SDR42E1: variants seen among roughly 807,000 people sequenced by gnomAD.
The protein encoded by SDR42E1 is short-chain dehydrogenase/reductase family 42E member 1.
SDR42E1 carries 5 observed loss-of-function variants against 2.6 expected under a neutral mutation model. The ratio of observed to expected loss-of-function variants is 1.94; its 90% confidence interval spans 1.01 to 4.08. The LOEUF (loss-of-function observed/expected upper bound fraction) is 4.08, where lower values mean the gene tolerates loss of function less well. Ranked by LOEUF, SDR42E1 falls within the 30% of genes most tolerant of loss-of-function variation. The pLI is 0.00. For synonymous variants in SDR42E1, 231 were observed against 188.3 expected (o/e 1.23, Z -1.86); for missense variants, 596 against 478.6 (o/e 1.25, Z -2.29).
intron 1 of SDR42E1, among the ~76,000 whole-genome samples, chr16:82,003,274 C>G (rs113266418): frequency 0.015 from 2,325 of 152,280 alleles, 43 homozygotes; most frequent in South Asian, 0.068. Context: ...CCTCAATGCA[C>G]CTAACAGTGA....
Position 81,993,324 on chromosome 16 carries a change from G to A in SDR42E1, c.*5787C>T, listed in dbSNP as rs1912469676. The A allele has an allele frequency of 6.6e-6, 1 of 152,172 alleles. No homozygotes were observed. Among genetic ancestry groups the A allele is most frequent in the Non-Finnish European group, 1.5e-5 (1 of 68,056 alleles). The allele number at this position is 152,172 out of a possible 1,614,324, so 9.4% of individuals were successfully genotyped here. ...TGCTCACCTCCTTGTTGAAAGATAA[G>A]AAACACCTAGAGTGCAGATTACCAA... is the stretch of plus-strand genomic sequence containing the variant. On this transcript the variant is annotated 3_prime_UTR_variant, in exon 3 of 3. Transcript: ENST00000328945.
chr16:82,011,161 G>A (rs1237301300), intron 1 of SDR42E1, among the ~76,000 whole-genome samples: 4 of 152,198 alleles, frequency 2.6e-5, no homozygotes, highest in African/African-American at 9.7e-5. Context: ...AAAATGCGGA[G>A]GGCCAGTGTT....
At chr16:82,000,915 G>A (rs1912737561) in intron 1 of SDR42E1, 31 bp from the exon 2 acceptor site, 1 of 1,429,662 alleles carries the variant, frequency 7.0e-7, no homozygotes, top group South Asian at 1.2e-5. Context: ...CACTGTTACT[G>A]ATCCAAATGC....
intron 1 of SDR42E1, among the ~76,000 whole-genome samples, chr16:82,008,020 T>C (rs990019258): frequency 2.0e-5 from 3 of 152,180 alleles, no homozygotes; most frequent in African/African-American, 7.2e-5. Context: ...TAGGAGGTAA[T>C]TGAATCATGG....
At chr16:82,009,019 A>T (rs962996444) in intron 1 of SDR42E1, among the ~76,000 whole-genome samples, 16 of 152,184 alleles carry the variant, frequency 1.1e-4, no homozygotes, top group Admixed American at 5.2e-4. Context: ...GGGGCTTCAG[A>T]GGGTGCAAGC....
At chr16:82,007,150 G>A (rs989016411) in intron 1 of SDR42E1, among the ~76,000 whole-genome samples, 3 of 152,166 alleles carry the variant, frequency 2.0e-5, no homozygotes, top group African/African-American at 2.4e-5. Flanking sequence ...ATATCTATAG[G>A]GACAAGGAAT....
chr16:82,004,207 G>T (rs1407175817), intron 1 of SDR42E1, among the ~76,000 whole-genome samples: 1 of 152,168 alleles, frequency 6.6e-6, no homozygotes, highest in Non-Finnish European at 1.5e-5. Flanking sequence ...AAGGTGAGGG[G>T]TGGGGAGACT....
intron 1 of SDR42E1, among the ~76,000 whole-genome samples, chr16:82,001,514 G>A (rs756011633): frequency 2.3e-4 from 35 of 151,928 alleles, no homozygotes; most frequent in Non-Finnish European, 2.9e-5. Context: ...CTTCTTCTGT[G>A]GCCCTCCCCG....
Position 81,997,791 on chromosome 16 carries a change from G to C in SDR42E1, c.*1320C>G, listed in dbSNP as rs1912579792. On this transcript the variant is annotated 3_prime_UTR_variant, in exon 3 of 3. Coordinates refer to ENST00000328945, the MANE Select transcript of SDR42E1 (RefSeq NM_145168.3). The stretch of plus-strand genomic sequence containing the variant: ...CAAGTGAGGAAGCTAAGTTCTAAAG[G>C]GCTTCTGTTCCTTGGTTAAGGCCAC... The C allele has an allele frequency of 6.6e-6, 1 of 152,128 alleles. No individual in the cohort carries two copies. The highest frequency in any genetic ancestry group is 6.5e-5 in the Admixed American group (1 of 15,278). The allele number at this position is 152,128 out of a possible 1,614,324, so 9.4% of individuals were successfully genotyped here. A position where few individuals can be genotyped will look rare whatever the true frequency, so the allele number is the denominator to read the frequency against.
Position 81,992,160 on chromosome 16 carries a change from A to G in SDR42E1, c.*6951T>C, listed in dbSNP as rs1379973787. 1 of 152,252 alleles carries G rather than the reference A, an allele frequency of 6.6e-6. No individual in the cohort carries two copies. Among genetic ancestry groups the G allele is most frequent in the African/African-American group, 2.4e-5 (1 of 41,398 alleles). 9.4% of individuals were successfully genotyped at this position (152,252 alleles called of 1,614,324 possible). On this transcript the variant is annotated 3_prime_UTR_variant, in exon 3 of 3. Transcript: ENST00000328945. ...AACAAGAGCAAAACTCCATCTCAAA[A>G]AAAAGAAAAAAAAATTAGAAAGCCT...
In SDR42E1 at chr16:82,000,242, A is replaced by G; in HGVS notation, c.69-18T>C. On this transcript the variant is annotated intron_variant, in intron 2 of 2. Transcript: ENST00000328945. ...AGCCCAGGCTGAAATAAGAAACAGT[A>G]AACGTTGAATCAAGTCACTCTTAAG... 1 of 1,601,174 alleles carries G rather than the reference A, an allele frequency of 6.2e-7. No homozygotes were observed.
rs531784688 is a variant in SDR42E1 at position 82,000,117 on chromosome 16, C to T, written c.176G>A (p.Arg59His). 4.1e-5 allele frequency: 66 copies of T among 1,614,186 alleles called. No individual in the cohort carries two copies. Among genetic ancestry groups the T allele is most frequent in the Admixed American group, 1.5e-4 (9 of 60,030 alleles). The change falls in exon 3 of 3, where the codon CGC becomes CAC. Residue 59 changes from arginine (R) to histidine (H), a missense_variant. By Grantham distance (29) the Arg-to-His change is conservative. Coordinates refer to ENST00000328945, the MANE Select transcript of SDR42E1 (RefSeq NM_145168.3). Reference protein sequence around the residue: ...EGIKFIQGDIRHLSDVEKAFQ... With the variant: ...EGIKFIQGDIHHLSDVEKAFQ... ...GGCTTTCTCTACGTCAGACAGGTGG[C>T]GGATGTCTCCTTGTATAAACTTGAT...
At chr16:82,010,311 G>T (rs757637685) in intron 1 of SDR42E1, among the ~76,000 whole-genome samples, 1 of 152,234 alleles carries the variant, frequency 6.6e-6, no homozygotes, top group Non-Finnish European at 1.5e-5. Flanking sequence ...CACAAATTAT[G>T]CAGGTCATAA....
intron 1 of SDR42E1, among the ~76,000 whole-genome samples, chr16:82,007,426 C>T (rs1912976725): frequency 6.6e-6 from 1 of 152,210 alleles, no homozygotes; most frequent in Non-Finnish European, 1.5e-5. Flanking sequence ...TATTTCACAA[C>T]CCTCTCAGAT....
intron 1 of SDR42E1, among the ~76,000 whole-genome samples, chr16:82,009,475 C>G (rs4354930): frequency 6.6e-6 from 1 of 152,166 alleles, no homozygotes; most frequent in African/African-American, 2.4e-5. Flanking sequence ...ATATGGGACA[C>G]GGAGTCAAAG....
At position 81,996,120 on chromosome 16, in the gene SDR42E1, C is replaced by G. The variant is rs911827426; in HGVS notation, c.*2991G>C. 6.6e-6 allele frequency: 1 copy of G among 152,220 alleles called. No homozygotes were observed. The highest frequency in any genetic ancestry group is 2.1e-4 in the South Asian group (1 of 4,828). The allele number at this position is 152,220 out of a possible 1,614,324, so 9.4% of individuals were successfully genotyped here. A position where few individuals can be genotyped will look rare whatever the true frequency, so the allele number is the denominator to read the frequency against. ...TAGAGAGACAGGCAAGGGGCCAGTT[C>G]AGACAAAGCCTCTTGATCACGTTAA... is the stretch of plus-strand genomic sequence containing the variant. On this transcript the variant is annotated 3_prime_UTR_variant, in exon 3 of 3. Coordinates refer to ENST00000328945, the MANE Select transcript of SDR42E1 (RefSeq NM_145168.3).
intron 1 of SDR42E1, among the ~76,000 whole-genome samples, chr16:82,001,934 C>A (rs1912778016): frequency 6.7e-6 from 1 of 149,412 alleles, no homozygotes; most frequent in Non-Finnish European, 1.5e-5. Flanking sequence ...AGGAAGCACA[C>A]AGGTCCTCAA....
In SDR42E1 at chr16:81,999,122, G is replaced by C. The variant is rs1478095730; in HGVS notation, c.1171C>G (p.Leu391Val). Reference protein sequence around the residue: ...VLMWLPSSVILSL With the variant: ...VLMWLPSSVIVSL ...TTCTGGCCCCTCCTTCACAGTGACA[G>C]AATCACAGAAGAAGGCAGCCACATG... The change falls in exon 3 of 3, where the codon CTG becomes GTG. Residue 391 changes from leucine to valine, a missense_variant. Physicochemically the swap from Leu to Val is conservative, Grantham distance 32. Transcript: ENST00000328945. 2.5e-6 allele frequency: 4 copies of C among 1,613,528 alleles called. No individual in the cohort carries two copies. In the Admixed American group the frequency reaches 6.7e-5, roughly 27 times the overall value.
rs1452751060 is a variant in SDR42E1, at chr16:81,993,703, C to CT, written c.*5407_*5408insA. ...ACCCCGTCAACAAGCATTTATTGGGCATATGAAGGGTACAGAAGTAGAAAA... is the reference window on the plus strand; with the variant it reads ...ACCCCGTCAACAAGCATTTATTGGGCTATATGAAGGGTACAGAAGTAGAAAA... On this transcript the variant is annotated 3_prime_UTR_variant, in exon 3 of 3. Coordinates refer to ENST00000328945, the MANE Select transcript of SDR42E1 (RefSeq NM_145168.3). 6.6e-6 allele frequency: 1 copy of CT among 152,128 alleles called. No individual in the cohort carries two copies. Among genetic ancestry groups the CT allele is most frequent in the Non-Finnish European group, 1.5e-5 (1 of 68,028 alleles). The allele number at this position is 152,128 out of a possible 1,614,324, so 9.4% of individuals were successfully genotyped here.
Sources: gnomAD v4.1 joint callset for allele counts (sites outside exome capture counted in the v4.1 genomes callset) on GRCh38, gnomAD v4.1.1 for gene constraint, MANE v1.5 for transcripts, NCBI Gene and HGNC (gene_info 2026-07-23, HGNC 2026-07-21) for gene names.